RPTOR: variants seen among roughly 807,000 people sequenced by gnomAD.
The protein encoded by RPTOR is regulatory associated protein of MTOR complex 1, also known as regulatory-associated protein of mTOR.
In RPTOR, 21 loss-of-function variants were observed where a neutral mutation model predicts 169.9. That is an observed-to-expected ratio of 0.12 (90% CI 0.09 to 0.18). RPTOR has a LOEUF of 0.18. Ranked by LOEUF, RPTOR falls within the 10% of genes least tolerant of loss-of-function variation. The probability of loss-of-function intolerance (pLI) is 1.00; values close to 1 mark genes in which losing one functional copy is unlikely to be tolerated. For synonymous variants in RPTOR, 732 were observed against 753.2 expected, an observed-to-expected ratio of 0.97 and a Z score of 0.46; for missense variants, 1,133 against 1,855.9, an observed-to-expected ratio of 0.61 and a Z score of 7.16.
intron 11 of RPTOR, among the ~76,000 whole-genome samples, chr17:80,847,285 A>G (rs1265505491): frequency 6.6e-6 from 1 of 152,244 alleles, no homozygotes; most frequent in Non-Finnish European, 1.5e-5. Flanking sequence ...GGAGGTCAGC[A>G]TCGTGGGTCC....
intron 1 of RPTOR, among the ~76,000 whole-genome samples, chr17:80,601,382 A>G (rs1469355601): frequency 7.9e-5 from 2 of 25,288 alleles, no homozygotes; most frequent in Non-Finnish European, 1.8e-4. Context: ...GTGCAGCCGC[A>G]GCGCCGGCGG....
intron 3 of RPTOR, among the ~76,000 whole-genome samples, chr17:80,661,475 C>T (rs888060427): frequency 2.0e-5 from 3 of 152,154 alleles, no homozygotes; most frequent in Admixed American, 6.5e-5. Flanking sequence ...CAACCCTTCT[C>T]CACCACGGTG....
intron 26 of RPTOR, 46 bp downstream of exon 26, chr17:80,945,827 C>A: frequency 1.8e-6 from 2 of 1,126,924 alleles, no homozygotes; most frequent in Non-Finnish European, 2.5e-6. Context: ...GACCGACAGC[C>A]CCAGCGATGC....
chr17:80,634,873 CTGTGTGCATACTT>C, intron 2 of RPTOR, among the ~76,000 whole-genome samples: 1 of 67,448 alleles, frequency 1.5e-5, no homozygotes, highest in Non-Finnish European at 3.3e-5. Context: ...TGTGTGCATA[CTGTGTGCATACTT>C]TGTGTGTGCA....
Position 80,923,555 on chromosome 17 carries a change from T to C in RPTOR, c.2690T>C (p.Val897Ala). Reference protein sequence around the residue: ...SLTNDVAKQPVSRDLPSGRPG... With the variant: ...SLTNDVAKQPASRDLPSGRPG... ...ACCAACGATGTGGCCAAGCAGCCGGTCAGCCGAGACTTGCCTTCTGGCCGG... is the reference window on the plus strand; with the variant it reads ...ACCAACGATGTGGCCAAGCAGCCGGCCAGCCGAGACTTGCCTTCTGGCCGG... Residue 897 changes from valine to alanine, a missense_variant, in exon 23 of 34, where the codon GTC becomes GCC. Val to Ala is a moderately conservative substitution (Grantham distance 64). Coordinates refer to ENST00000306801, the MANE Select transcript of RPTOR (RefSeq NM_020761.3). The C allele has an allele frequency of 6.2e-7, 1 of 1,613,460 alleles. No homozygotes were observed. The highest frequency in any genetic ancestry group is 2.2e-5 in the East Asian group (1 of 44,874).
At chr17:80,821,627 A>G (rs1194859182) in intron 7 of RPTOR, among the ~76,000 whole-genome samples, 1 of 151,874 alleles carries the variant, frequency 6.6e-6, no homozygotes, top group East Asian at 1.9e-4. Flanking sequence ...GTCACTTGCC[A>G]CCTCTAATGT....
At chr17:80,568,885 C>T (rs1344633825) in intron 1 of RPTOR, among the ~76,000 whole-genome samples, 1 of 152,066 alleles carries the variant, frequency 6.6e-6, no homozygotes, top group Non-Finnish European at 1.5e-5. Context: ...CACTATGTTG[C>T]CCAGGCTGGT....
chr17:80,897,448 A>G (rs1262848321), intron 20 of RPTOR, among the ~76,000 whole-genome samples: 2 of 152,166 alleles, frequency 1.3e-5, no homozygotes, highest in Admixed American at 1.3e-4. Flanking sequence ...GTTAGTTAAG[A>G]ATTTTCCTGA....
chr17:80,751,168 G>A (rs1446151589), intron 5 of RPTOR, among the ~76,000 whole-genome samples: 1 of 152,198 alleles, frequency 6.6e-6, no homozygotes, highest in Non-Finnish European at 1.5e-5. Context: ...GGCTGTGAGT[G>A]AATACAGCTC....
At chr17:80,732,723 G>A (rs978601601) in intron 5 of RPTOR, among the ~76,000 whole-genome samples, 2 of 152,152 alleles carry the variant, frequency 1.3e-5, no homozygotes, top group African/African-American at 4.8e-5. Context: ...TATAAAAACA[G>A]TGGAAATTAA....
At chr17:80,838,030 C>G (rs182808719) in intron 10 of RPTOR, 33 bp downstream of exon 10, 2 of 1,566,648 alleles carry the variant, frequency 1.3e-6, no homozygotes, top group Non-Finnish European at 1.7e-6. Flanking sequence ...TGTGCATCCG[C>G]GGCGGCAGCC....
intron 17 of RPTOR, 88 bp downstream of exon 17, chr17:80,885,236 G>T: frequency 7.1e-7 from 1 of 1,415,204 alleles, no homozygotes; most frequent in Non-Finnish European, 9.5e-7. Flanking sequence ...CCTGACCACA[G>T]CAGGGAGCAC....
chr17:80,912,290 A>G (rs1230568901), intron 21 of RPTOR, among the ~76,000 whole-genome samples: 1 of 152,064 alleles, frequency 6.6e-6, no homozygotes, highest in African/African-American at 2.4e-5. Flanking sequence ...GTGGCCATGG[A>G]CCACCCTTGC....
At chr17:80,619,238 A>G (rs1468216331) in intron 1 of RPTOR, among the ~76,000 whole-genome samples, 1 of 151,934 alleles carries the variant, frequency 6.6e-6, no homozygotes, top group East Asian at 1.9e-4. Flanking sequence ...TGTTGGGAGG[A>G]TAAGTGTGAG....
chr17:80,736,713 CCTG>C (rs1452793019), intron 5 of RPTOR, among the ~76,000 whole-genome samples: 1 of 152,206 alleles, frequency 6.6e-6, no homozygotes, highest in Non-Finnish European at 1.5e-5. Context: ...AGGCAGTTCT[CCTG>C]CTGAAGGTTG....
In RPTOR at chr17:80,560,855, G is replaced by A. The variant is rs188077359; in HGVS notation, c.162+15064G>A. ...CACTGCTGAGCCCGAGGCTGTTCCC[G>A]GGGTGACTGGCGGTCAATAGGTGAT... is the stretch of plus-strand genomic sequence containing the variant. On this transcript the variant is annotated intron_variant, in intron 1 of 33. Transcript: ENST00000306801. Among the ~76,000 whole-genome samples, 307 of 152,190 alleles carry A rather than the reference G, an allele frequency of 2.0e-3. 2 individuals are homozygous for A. Among genetic ancestry groups the A allele is most frequent in the Non-Finnish European group, 2.8e-3 (188 of 68,014 alleles).
intron 7 of RPTOR, chr17:80,805,560 G>A (rs1005170964): frequency 6.6e-6 from 1 of 152,220 alleles, no homozygotes. Flanking sequence ...GGAAAGGTCT[G>A]TCTGAAGGTC....
At chr17:80,692,816 T>C (rs947941159) in intron 3 of RPTOR, among the ~76,000 whole-genome samples, 11 of 152,244 alleles carry the variant, frequency 7.2e-5, no homozygotes, top group Non-Finnish European at 1.6e-4. Flanking sequence ...AAATATTTCA[T>C]GAGTCCAAAG....
chr17:80,709,413 C>T (rs1455525290), intron 4 of RPTOR, among the ~76,000 whole-genome samples: 1 of 152,186 alleles, frequency 6.6e-6, no homozygotes, highest in African/African-American at 2.4e-5. Flanking sequence ...CCCCGGTGTG[C>T]TGGCTCTCAG....
Sources: allele counts gnomAD v4.1 joint callset (sites outside exome capture counted in the v4.1 genomes callset), GRCh38; gene constraint gnomAD v4.1.1; transcripts MANE v1.5; gene names NCBI Gene and HGNC (gene_info 2026-07-23, HGNC 2026-07-21).